Variants in ZNF644 observed in about 807,000 individuals in gnomAD.
The protein encoded by ZNF644 is zinc finger protein 644, also known as zinc finger motif enhancer binding protein 2.
In ZNF644, 20 loss-of-function variants were observed where a neutral mutation model predicts 108.0. The observed-to-expected ratio is 0.19, with a 90% CI of 0.13 to 0.27. The LOEUF (loss-of-function observed/expected upper bound fraction) is 0.27, where lower values mean the gene tolerates loss of function less well. ZNF644 is among the 10% of genes least tolerant of loss of function. The probability of loss-of-function intolerance (pLI) is 1.00; values close to 1 mark genes in which losing one functional copy is unlikely to be tolerated. For synonymous variants in ZNF644, 542 were observed against 539.1 expected (o/e 1.01, Z -0.08); for missense variants, 1,338 against 1,548.9 (o/e 0.86, Z 2.29).
chr1:91,001,401 A>T (rs2101674626), intron 1 of ZNF644, among the ~76,000 whole-genome samples: 1 of 152,362 alleles, frequency 6.6e-6, no homozygotes, highest in South Asian at 2.1e-4. Flanking sequence ...CAATAAACGT[A>T]ATCCAGCATA....
rs749473342 is a variant in ZNF644 at position 90,940,482 on chromosome 1, CT to C, written c.871del (p.Arg291GlufsTer7). 3 of 1,609,900 alleles carry C rather than the reference CT, an allele frequency of 1.9e-6. No individual in the cohort carries two copies. Among genetic ancestry groups the C allele is most frequent in the Admixed American group, 1.7e-5 (1 of 59,766 alleles). Reference sequence around the variant, plus strand: ...CTTGCTTACATCCATTTTTCGCTTTCTTTTTTTTTCTAGACCTATTTTAGAA... The same window carrying C: ...CTTGCTTACATCCATTTTTCGCTTTCTTTTTTTTCTAGACCTATTTTAGAA... The part of the protein sequence containing the change: ...PHSKIGLEKK[R>X]KRKMDVSKIT... On this transcript the variant is annotated frameshift_variant, in exon 3 of 6. Coordinates refer to ENST00000337393, the MANE Select transcript of ZNF644 (RefSeq NM_201269.3). LOFTEE classifies it high-confidence loss of function.
intron 4 of ZNF644, among the ~76,000 whole-genome samples, chr1:90,926,467 T>C (rs1245798440): frequency 1.3e-5 from 2 of 152,202 alleles, no homozygotes; most frequent in Non-Finnish European, 1.5e-5. Flanking sequence ...AGGATACACT[T>C]CCAAGCCTGC....
At chr1:90,919,615 A>G (rs994553037) in intron 4 of ZNF644, among the ~76,000 whole-genome samples, 9 of 152,134 alleles carry the variant, frequency 5.9e-5, no homozygotes, top group African/African-American at 1.9e-4. Context: ...GAAGAGTCTA[A>G]TAAGTAAAGA....
chr1:91,002,086 G>A (rs1331497400), intron 1 of ZNF644, among the ~76,000 whole-genome samples: 1 of 152,268 alleles, frequency 6.6e-6, no homozygotes, highest in African/African-American at 2.4e-5. Context: ...TCAGTATCGG[G>A]AAAATGGCCA....
chr1:90,988,949 G>GA (rs1371601695), intron 1 of ZNF644, among the ~76,000 whole-genome samples: 2 of 152,082 alleles, frequency 1.3e-5, no homozygotes, highest in African/African-American at 4.8e-5. Context: ...AAACATAGGG[G>GA]AAGGCTTCGG....
intron 2 of ZNF644, among the ~76,000 whole-genome samples, chr1:90,978,913 G>A (rs1656267547): frequency 1.3e-5 from 2 of 151,982 alleles, no homozygotes; most frequent in Admixed American, 1.3e-4. Flanking sequence ...GAAGACAGAA[G>A]GAACAGCATG....
chr1:90,976,917 A>T (rs1236186667), intron 2 of ZNF644, among the ~76,000 whole-genome samples: 2 of 152,206 alleles, frequency 1.3e-5, no homozygotes, highest in African/African-American at 2.4e-5. Flanking sequence ...CTATTAAAAA[A>T]TACCAAAATA....
chr1:90,952,423 T>C (rs1222220053), intron 2 of ZNF644, among the ~76,000 whole-genome samples: 2 of 152,226 alleles, frequency 1.3e-5, no homozygotes, highest in Non-Finnish European at 2.9e-5. Context: ...AAACAGTATG[T>C]AGACCACTGA....
chr1:90,972,579 A>C (rs866284936), intron 2 of ZNF644, among the ~76,000 whole-genome samples: 2 of 152,352 alleles, frequency 1.3e-5, no homozygotes, highest in Middle Eastern at 3.4e-3. Flanking sequence ...AACTAAAAAT[A>C]GAATTACCAT....
Position 90,940,843 on chromosome 1 carries a change from G to T in ZNF644, c.511C>A (p.Gln171Lys), listed in dbSNP as rs763237430. 3 of 1,614,012 alleles carry T rather than the reference G, an allele frequency of 1.9e-6. No individual in the cohort carries two copies. The highest frequency in any genetic ancestry group is 2.5e-6 in the Non-Finnish European group (3 of 1,179,980). The part of the protein sequence containing the change: ...LQLSTPQKAS[Q>K]HQVLFLLSDV... ...GATAACAAAAATAAAACTTGGTGTT[G>T]ACTTGCTTTCTGTGGTGTAGACAGC... The change falls in exon 3 of 6, where the codon CAA becomes AAA. Residue 171 changes from glutamine to lysine, a missense_variant. This residue lies in a region of ZNF644 where 464 missense variants were observed against 457.9 expected (regional missense o/e 1.01). Transcript: ENST00000337393.
At chr1:90,965,634 G>A (rs929612789) in intron 2 of ZNF644, among the ~76,000 whole-genome samples, 4 of 152,098 alleles carry the variant, frequency 2.6e-5, no homozygotes, top group African/African-American at 9.7e-5. Flanking sequence ...TAAAATAACA[G>A]AATACTATTT....
chr1:90,971,852 T>G (rs1448453417), intron 2 of ZNF644, among the ~76,000 whole-genome samples: 1 of 152,202 alleles, frequency 6.6e-6, no homozygotes, highest in South Asian at 2.1e-4. Context: ...TTCAATCAGA[T>G]AGAAACCAGG....
rs1459943925 is a variant in ZNF644 at position 90,940,676 on chromosome 1, C to T, written c.678G>A (p.Glu226=). 6.2e-7 allele frequency: 1 copy of T among 1,614,058 alleles called. No homozygotes were observed. Among genetic ancestry groups the T allele is most frequent in the Non-Finnish European group, 8.5e-7 (1 of 1,179,980 alleles). Residue 226 remains glutamate, a synonymous_variant, in exon 3 of 6, where the codon GAG becomes GAA. Transcript: ENST00000337393. ...CTTTCACCAATAAATCTTCACCATC[C>T]TCACCCACCTCTACTTGATTTATTA... ...GTLINQVEVG[E]DGEDLLVKDD... is the part of the protein sequence containing the mutation.
At chr1:90,979,072 A>G (rs1291486980) in intron 2 of ZNF644, among the ~76,000 whole-genome samples, 1 of 152,188 alleles carries the variant, frequency 6.6e-6, no homozygotes, top group Non-Finnish European at 1.5e-5. Context: ...AAATCTCCAG[A>G]TGATTACTAT....
At chr1:90,922,643 T>C (rs899305468) in intron 4 of ZNF644, among the ~76,000 whole-genome samples, 2 of 152,052 alleles carry the variant, frequency 1.3e-5, no homozygotes, top group African/African-American at 4.8e-5. Context: ...GTTATATAGG[T>C]AAATTGTCAC....
At chr1:90,946,556 G>A (rs1043481206) in intron 2 of ZNF644, among the ~76,000 whole-genome samples, 1 of 151,974 alleles carries the variant, frequency 6.6e-6, no homozygotes, top group Admixed American at 6.6e-5. Flanking sequence ...TTACACTACT[G>A]AGCCTTAAAA....
rs1040758165 is a variant in ZNF644, at chr1:90,974,213, G to A, written c.44+8097C>T. 5.9e-5 allele frequency among the ~76,000 whole-genome samples: 9 copies of A among 152,074 alleles called. No homozygotes were observed. In the East Asian group the frequency reaches 7.7e-4, roughly 13 times the overall value. Reference sequence around the variant, plus strand: ...AAATTAGCTGGGCAAGGTGGTGGGCGCCAGTAATCCCAGGCTGAGGCATGA... The same window carrying A: ...AAATTAGCTGGGCAAGGTGGTGGGCACCAGTAATCCCAGGCTGAGGCATGA... On this transcript the variant is annotated intron_variant, in intron 2 of 5. Transcript: ENST00000337393.
intron 2 of ZNF644, among the ~76,000 whole-genome samples, chr1:90,967,192 C>T (rs78337541): frequency 0.11 from 17,179 of 151,950 alleles, 1,027 homozygotes; most frequent in South Asian, 0.16. Flanking sequence ...AATTCCCCAA[C>T]ATGTTCCTCT....
intron 2 of ZNF644, among the ~76,000 whole-genome samples, chr1:90,979,717 AC>A (rs1380957843): frequency 1.3e-5 from 2 of 152,086 alleles, no homozygotes; most frequent in Non-Finnish European, 2.9e-5. Context: ...CCAATCTTCT[AC>A]TTGTATTAGT....
Sources: gnomAD v4.1 joint callset for allele counts (sites outside exome capture counted in the v4.1 genomes callset) on GRCh38, gnomAD v4.1.1 for gene constraint, gnomAD v4.1.1 regional missense constraint, MANE v1.5 for transcripts, NCBI Gene and HGNC (gene_info 2026-07-23, HGNC 2026-07-21) for gene names.